RBFOX1: variants seen among roughly 807,000 people sequenced by gnomAD.
RBFOX1 encodes RNA binding fox-1 homolog 1, also known as RNA binding protein fox-1 homolog 1.
In RBFOX1, 8 loss-of-function variants were observed where a neutral mutation model predicts 57.7. That is an observed-to-expected ratio of 0.14 (90% CI 0.08 to 0.25). RBFOX1 has a LOEUF of 0.25. Ranked by LOEUF, RBFOX1 falls within the 10% of genes least tolerant of loss-of-function variation. The pLI, the probability that RBFOX1 is intolerant of heterozygous loss-of-function variation, is 1.00. For missense variants in RBFOX1, 611 were observed against 548.5 expected, an observed-to-expected ratio of 1.11 and a Z score of -1.14; for synonymous variants, 326 against 222.4, an observed-to-expected ratio of 1.47 and a Z score of -4.15.
intron 1 of RBFOX1, among the ~76,000 whole-genome samples, chr16:6,103,747 T>G (rs1171258468): frequency 1.3e-5 from 2 of 152,100 alleles, no homozygotes; most frequent in African/African-American, 4.8e-5. Flanking sequence ...CTGCATGCCA[T>G]TGGCCAGAAC....
At chr16:7,100,216 T>C (rs2062437395) in intron 4 of RBFOX1, among the ~76,000 whole-genome samples, 1 of 152,150 alleles carries the variant, frequency 6.6e-6, no homozygotes, top group Non-Finnish European at 1.5e-5. Flanking sequence ...AAGGAATGAC[T>C]ATTCAGTGCT....
At chr16:7,021,535 T>C (rs970908487) in intron 3 of RBFOX1, among the ~76,000 whole-genome samples, 3 of 145,778 alleles carry the variant, frequency 2.1e-5, no homozygotes, top group African/African-American at 7.4e-5. Flanking sequence ...TTATAAAATT[T>C]TATAAAATTT....
In RBFOX1 at chr16:7,634,405, C is replaced by G. The variant is rs183956092; in HGVS notation, c.757+3722C>G. Reference sequence around the variant, plus strand: ...TGATGTTTGTTTTTTTTTTTCGAGACTTAAATTGTACCTCTTCCTAGTCAA... The same window carrying G: ...TGATGTTTGTTTTTTTTTTTCGAGAGTTAAATTGTACCTCTTCCTAGTCAA... On this transcript the variant is annotated intron_variant, in intron 11 of 15. Coordinates refer to ENST00000550418, the MANE Select transcript of RBFOX1 (RefSeq NM_018723.4). Among the ~76,000 whole-genome samples, 403 of 147,784 alleles carry G rather than the reference C, an allele frequency of 2.7e-3. 3 individuals are homozygous for G. Among genetic ancestry groups the G allele is most frequent in the African/African-American group, 9.8e-3 (386 of 39,588 alleles).
At chr16:5,985,715 G>A (rs780044100) in intron 4 of RBFOX1, among the ~76,000 whole-genome samples, 6 of 152,070 alleles carry the variant, frequency 3.9e-5, no homozygotes, top group East Asian at 3.9e-4. Flanking sequence ...AGTTGCACAC[G>A]CATGGTACCT....
intron 1 of RBFOX1, among the ~76,000 whole-genome samples, chr16:5,345,763 C>T (rs762561167): frequency 2.0e-5 from 3 of 152,148 alleles, no homozygotes; most frequent in East Asian, 1.9e-4. Context: ...AGGCACATGA[C>T]GCCACCCCTT....
intron 3 of RBFOX1, among the ~76,000 whole-genome samples, chr16:6,695,812 TGTTTTGTTTGTTG>T (rs1336355290): frequency 5.3e-5 from 8 of 152,374 alleles, no homozygotes. Flanking sequence ...TGTCATGTCC[TGTTTTGTTTGTTG>T]GTTTTGTTTT....
intron 3 of RBFOX1, among the ~76,000 whole-genome samples, chr16:5,664,249 T>G (rs561839646): frequency 6.6e-6 from 1 of 152,274 alleles, no homozygotes; most frequent in Non-Finnish European, 1.5e-5. Context: ...AGTTGTGAAC[T>G]CTTTAAAAGT....
intron 1 of RBFOX1, among the ~76,000 whole-genome samples, chr16:6,063,225 C>G (rs568270155): frequency 3.3e-5 from 5 of 152,038 alleles, no homozygotes; most frequent in African/African-American, 1.2e-4. Context: ...GGAAAGAAAA[C>G]TATCAAGGCA....
chr16:5,645,928 T>G (rs1220694684), intron 3 of RBFOX1, among the ~76,000 whole-genome samples: 1 of 152,254 alleles, frequency 6.6e-6, no homozygotes. Flanking sequence ...CTCAAACTCC[T>G]GGGCTCAAGT....
chr16:7,254,131 G>T (rs1261637472), intron 4 of RBFOX1, among the ~76,000 whole-genome samples: 1 of 152,084 alleles, frequency 6.6e-6, no homozygotes, highest in Non-Finnish European at 1.5e-5. Flanking sequence ...CATCAACCCT[G>T]TGACCCCCTT....
intron 4 of RBFOX1, among the ~76,000 whole-genome samples, chr16:7,094,021 C>T (rs1033561260): frequency 6.6e-6 from 1 of 150,592 alleles, no homozygotes; most frequent in Admixed American, 6.7e-5. Flanking sequence ...GTGTTTTAAA[C>T]ATAGTAATTG....
At chr16:6,784,527 C>T (rs918042430) in intron 3 of RBFOX1, among the ~76,000 whole-genome samples, 2 of 152,078 alleles carry the variant, frequency 1.3e-5, no homozygotes, top group African/African-American at 4.8e-5. Flanking sequence ...TCTATGTTAT[C>T]TCCAAGTTTG....
At chr16:5,308,424 G>C (rs2063995253) in intron 1 of RBFOX1, among the ~76,000 whole-genome samples, 1 of 152,042 alleles carries the variant, frequency 6.6e-6, no homozygotes, top group Non-Finnish European at 1.5e-5. Flanking sequence ...CACCCCAGTG[G>C]TGGTGATCAC....
chr16:7,670,458 G>A (rs1337374537), intron 13 of RBFOX1, among the ~76,000 whole-genome samples: 1 of 152,216 alleles, frequency 6.6e-6, no homozygotes, highest in Non-Finnish European at 1.5e-5. Flanking sequence ...ACAAACTCAA[G>A]TCATTGCGCT....
At chr16:7,702,021 C>T (rs1233732765) in intron 14 of RBFOX1, among the ~76,000 whole-genome samples, 2 of 152,168 alleles carry the variant, frequency 1.3e-5, no homozygotes, top group East Asian at 1.9e-4. Context: ...TCTCCATGTA[C>T]CTGCATAGTG....
chr16:6,070,062 C>T (rs371425864), intron 1 of RBFOX1, among the ~76,000 whole-genome samples: 19 of 152,124 alleles, frequency 1.2e-4, no homozygotes, highest in African/African-American at 4.3e-4. Flanking sequence ...AATTCAAATT[C>T]CATAGAATGG....
chr16:6,607,403 C>G (rs1223638007), intron 2 of RBFOX1, among the ~76,000 whole-genome samples: 1 of 141,456 alleles, frequency 7.1e-6, no homozygotes, highest in Admixed American at 7.8e-5. Flanking sequence ...GCAGTTAGGT[C>G]TTTCAGTCTC....
Position 6,059,844 on chromosome 16 carries a change from C to G in RBFOX1, c.-127+39852C>G, listed in dbSNP as rs372295470. ...ACTTAAAGAGCATTTAGCCATGATT[C>G]CAGGAATAGAAAATGTATCCTGAGA... On this transcript the variant is annotated intron_variant, in intron 1 of 15. Transcript: ENST00000550418. Among the ~76,000 whole-genome samples the G allele has an allele frequency of 1.2e-4, 19 of 152,134 alleles. No homozygotes were observed. In the South Asian group the frequency reaches 3.7e-3, roughly 30 times the overall value.
chr16:7,642,428 G>A (rs550835466), intron 11 of RBFOX1, among the ~76,000 whole-genome samples: 154 of 152,236 alleles, frequency 1.0e-3, no homozygotes, highest in African/African-American at 3.6e-3. Context: ...ATGCATGTGC[G>A]TCGCGTACCC....
Sources: allele counts gnomAD v4.1 joint callset (sites outside exome capture counted in the v4.1 genomes callset), GRCh38; gene constraint gnomAD v4.1.1; transcripts MANE v1.5; gene names NCBI Gene and HGNC (gene_info 2026-07-23, HGNC 2026-07-21).